Variants in SORCS1 observed in about 807,000 individuals in gnomAD.
SORCS1 encodes the protein VPS10 domain-containing receptor SorCS1.
Under a neutral mutation model 146.1 loss-of-function variants are expected in SORCS1, and 60 were observed. That is an observed-to-expected ratio of 0.41 (90% CI 0.33 to 0.51). SORCS1 has a LOEUF of 0.51. Among genes scored for constraint, SORCS1 ranks in the 20% least tolerant of loss-of-function variants. SORCS1 has a pLI of 0.21. For missense variants in SORCS1, 1,352 were observed against 1,487.6 expected (o/e 0.91, Z 1.50); for synonymous variants, 637 against 584.0 (o/e 1.09, Z -1.31).
chr10:107,100,362 A>C (rs1410766797), intron 1 of SORCS1, among the ~76,000 whole-genome samples: 1 of 151,962 alleles, frequency 6.6e-6, no homozygotes, highest in Non-Finnish European at 1.5e-5. Context: ...AAATACAAAA[A>C]ACTTAGCTGG....
intron 1 of SORCS1, among the ~76,000 whole-genome samples, chr10:107,015,473 C>T (rs11193167): frequency 0.27 from 40,818 of 152,098 alleles, 6,522 homozygotes; most frequent in Admixed American, 0.37. Flanking sequence ...GAGGGAAAAG[C>T]ATTTAAGGCA....
intron 1 of SORCS1, among the ~76,000 whole-genome samples, chr10:107,105,624 G>A (rs1396974982): frequency 6.6e-6 from 1 of 152,210 alleles, no homozygotes; most frequent in Non-Finnish European, 1.5e-5. Flanking sequence ...CAGCATGGGA[G>A]AAAGATGGAG....
chr10:106,659,546 T>C (rs1850565148), intron 17 of SORCS1, among the ~76,000 whole-genome samples: 1 of 152,194 alleles, frequency 6.6e-6, no homozygotes, highest in Non-Finnish European at 1.5e-5. Context: ...ATCCTTTCAA[T>C]TGGTCATGGA....
chr10:106,929,692 C>A (rs1953287990), intron 2 of SORCS1, among the ~76,000 whole-genome samples: 1 of 152,086 alleles, frequency 6.6e-6, no homozygotes, highest in Admixed American at 6.6e-5. Flanking sequence ...CTGTTCCTGG[C>A]TGAATTTTGG....
intron 1 of SORCS1, among the ~76,000 whole-genome samples, chr10:107,129,651 G>C (rs1966848416): frequency 6.6e-6 from 1 of 152,118 alleles, no homozygotes; most frequent in African/African-American, 2.4e-5. Context: ...GTGTGTTCTT[G>C]TCATCTTACA....
At chr10:106,603,761 G>A (rs555929696) in intron 23 of SORCS1, among the ~76,000 whole-genome samples, 1 of 152,292 alleles carries the variant, frequency 6.6e-6, no homozygotes, top group African/African-American at 2.4e-5. Flanking sequence ...CTTTGCATTT[G>A]TCTTAAATTT....
chr10:106,914,803 G>A (rs552367951), intron 2 of SORCS1, among the ~76,000 whole-genome samples: 16 of 152,264 alleles, frequency 1.1e-4, no homozygotes, highest in Admixed American at 3.9e-4. Context: ...AATTATGGCG[G>A]TGGAAGTGGT....
At chr10:107,085,095 C>G (rs1469354177) in intron 1 of SORCS1, among the ~76,000 whole-genome samples, 1 of 152,152 alleles carries the variant, frequency 6.6e-6, no homozygotes, top group East Asian at 1.9e-4. Context: ...CTTAGAAGCA[C>G]AAGTACCTTA....
intron 2 of SORCS1, among the ~76,000 whole-genome samples, chr10:106,832,670 T>C (rs1948603524): frequency 6.6e-6 from 1 of 152,120 alleles, no homozygotes; most frequent in Admixed American, 6.5e-5. Flanking sequence ...AAAAACCAGA[T>C]GCAAAATCTA....
At chr10:106,751,644 C>G (rs558526816) in intron 5 of SORCS1, among the ~76,000 whole-genome samples, 1 of 152,070 alleles carries the variant, frequency 6.6e-6, no homozygotes, top group African/African-American at 2.4e-5. Context: ...AATTTTCATT[C>G]CTTCAATATA....
intron 6 of SORCS1, among the ~76,000 whole-genome samples, chr10:106,723,411 A>ACACG (rs1483532187): frequency 6.6e-6 from 1 of 151,808 alleles, no homozygotes; most frequent in Non-Finnish European, 1.5e-5. Context: ...ACACACACAC[A>ACACG]CACACACAGA....
chr10:106,649,044 C>T (rs964768429), intron 18 of SORCS1, among the ~76,000 whole-genome samples: 1 of 152,110 alleles, frequency 6.6e-6, no homozygotes, highest in Non-Finnish European at 1.5e-5. Context: ...CCACTCCATC[C>T]CCTTCTGGCT....
At chr10:107,127,326 T>C (rs1051500923) in intron 1 of SORCS1, among the ~76,000 whole-genome samples, 2 of 152,050 alleles carry the variant, frequency 1.3e-5, no homozygotes, top group African/African-American at 4.8e-5. Context: ...TTCAGCACCA[T>C]AGTTGAAATT....
chr10:107,014,253 CAAAAAAAA>C (rs562179526), intron 1 of SORCS1, among the ~76,000 whole-genome samples: 4 of 79,354 alleles, frequency 5.0e-5, no homozygotes, highest in African/African-American at 2.5e-4. Flanking sequence ...GACCCTGCGT[CAAAAAAAA>C]AAAAAAAAAA....
At chr10:106,654,063 T>G (rs969485935) in intron 17 of SORCS1, among the ~76,000 whole-genome samples, 7 of 152,180 alleles carry the variant, frequency 4.6e-5, no homozygotes, top group Non-Finnish European at 7.3e-5. Flanking sequence ...CTCTTTCTGC[T>G]TCAGTGTCCT....
At chr10:106,940,720 C>T (rs1343318797) in intron 2 of SORCS1, among the ~76,000 whole-genome samples, 5 of 152,122 alleles carry the variant, frequency 3.3e-5, no homozygotes. Context: ...CCTATCTCAA[C>T]TAAAAATACA....
intron 2 of SORCS1, among the ~76,000 whole-genome samples, chr10:106,886,333 T>C (rs1951000462): frequency 6.6e-6 from 1 of 152,174 alleles, no homozygotes. Context: ...GTCTCAAGTA[T>C]GTGTTTATCA....
At chr10:106,709,137 T>A in intron 7 of SORCS1, 86 bp downstream of exon 7, 6 of 1,011,362 alleles carry the variant, frequency 5.9e-6, no homozygotes, top group Non-Finnish European at 7.7e-6. Context: ...TTTTTGACTC[T>A]TAATGGAGTG....
intron 1 of SORCS1, among the ~76,000 whole-genome samples, chr10:107,048,279 C>T (rs945697666): frequency 1.3e-5 from 2 of 152,184 alleles, no homozygotes; most frequent in Non-Finnish European, 2.9e-5. Context: ...CTTTAGTATA[C>T]AGCAATACAT....
Sources: allele counts gnomAD v4.1 joint callset (sites outside exome capture counted in the v4.1 genomes callset), GRCh38; gene constraint gnomAD v4.1.1; transcripts MANE v1.5; gene names NCBI Gene and HGNC (gene_info 2026-07-23, HGNC 2026-07-21).